CCDC191: variants seen among roughly 807,000 people sequenced by gnomAD.
The protein encoded by CCDC191 is coiled-coil domain-containing protein 191.
CCDC191 carries 99 observed loss-of-function variants against 114.0 expected under a neutral mutation model. The observed-to-expected ratio is 0.87, with a 90% CI of 0.74 to 1.03. The LOEUF is 1.03. CCDC191 is among the 50% of genes least tolerant of loss of function. CCDC191 has a pLI of 0.00. For synonymous variants in CCDC191, 351 were observed against 376.0 expected (o/e 0.93, Z 0.77); for missense variants, 973 against 1,087.0 (o/e 0.90, Z 1.47).
At chr3:114,046,008 A>C (rs2076624624) in intron 3 of CCDC191, among the ~76,000 whole-genome samples, 1 of 152,222 alleles carries the variant, frequency 6.6e-6, no homozygotes, top group African/African-American at 2.4e-5. Flanking sequence ...AATAAATGGA[A>C]TAACTGGAGA....
At chr3:114,048,952 C>T (rs886633010) in intron 2 of CCDC191, among the ~76,000 whole-genome samples, 1 of 152,202 alleles carries the variant, frequency 6.6e-6, no homozygotes, top group Admixed American at 6.5e-5. Flanking sequence ...GTCACCTGAC[C>T]TATTCTGAAA....
At chr3:113,999,617 C>G (rs1300826959) in intron 13 of CCDC191, among the ~76,000 whole-genome samples, 2 of 152,108 alleles carry the variant, frequency 1.3e-5, no homozygotes, top group Admixed American at 6.5e-5. Context: ...GAATCACAAG[C>G]AGCTGAGGTG....
At chr3:114,011,156 C>T (rs1448839594) in intron 8 of CCDC191, 135 bp from the exon 9 acceptor site, 1 of 1,007,360 alleles carries the variant, frequency 9.9e-7, no homozygotes, top group Non-Finnish European at 1.4e-6. Flanking sequence ...TTATATTAAG[C>T]TAAATGAAAT....
chr3:114,039,821 T>C (rs1317705275), intron 4 of CCDC191, among the ~76,000 whole-genome samples: 1 of 152,310 alleles, frequency 6.6e-6, no homozygotes, highest in East Asian at 1.9e-4. Context: ...AGAGTCAAAA[T>C]GTTAGAAAAA....
chr3:114,009,630 G>A (rs1465523015), intron 9 of CCDC191, among the ~76,000 whole-genome samples: 1 of 152,000 alleles, frequency 6.6e-6, no homozygotes, highest in Non-Finnish European at 1.5e-5. Flanking sequence ...ATTGCTATGT[G>A]GTGCACAAGT....
intron 10 of CCDC191, 151 bp downstream of exon 10, chr3:114,005,357 A>G (rs925499072): frequency 1.4e-6 from 1 of 692,136 alleles, no homozygotes; most frequent in South Asian, 1.9e-5. Context: ...CCTGTCATAT[A>G]CTAGTCATAA....
At chr3:114,037,950 C>T (rs1245200796) in intron 4 of CCDC191, among the ~76,000 whole-genome samples, 5 of 152,150 alleles carry the variant, frequency 3.3e-5, no homozygotes, top group African/African-American at 9.7e-5. Flanking sequence ...CATAGGCTTT[C>T]TTTTCTGTTG....
intron 3 of CCDC191, among the ~76,000 whole-genome samples, chr3:114,043,723 G>A (rs534364490): frequency 2.0e-5 from 3 of 152,290 alleles, no homozygotes; most frequent in South Asian, 4.1e-4. Context: ...GGATAAGCAC[G>A]GAGGTAGGGA....
chr3:114,002,237 A>G (rs2075868514), intron 12 of CCDC191, among the ~76,000 whole-genome samples: 2 of 152,188 alleles, frequency 1.3e-5, no homozygotes, highest in African/African-American at 4.8e-5. Flanking sequence ...ATCAACTTTC[A>G]TAACATTTTC....
intron 16 of CCDC191, among the ~76,000 whole-genome samples, chr3:113,975,531 G>A (rs532853100): frequency 1.3e-5 from 2 of 152,258 alleles, no homozygotes; most frequent in South Asian, 2.1e-4. Context: ...TGTACTGAGC[G>A]CTGTCATATA....
rs72956668 is a variant in CCDC191 at position 114,003,646 on chromosome 3, T to C, written c.1978+991A>G. The C allele has an allele frequency of 6.1e-3, 6,023 of 985,130 alleles. 178 individuals are homozygous for C. The East Asian group carries it at 0.085, about 14-fold the overall frequency. 61.0% of individuals were successfully genotyped at this position (985,130 alleles called of 1,614,324 possible). ...ATAATTTTAAAAAAATAATCATACT[T>C]AACTGGGTATTTACTGACCAAGCTT... On this transcript the variant is annotated intron_variant, in intron 11 of 16. Coordinates refer to ENST00000295878, the MANE Select transcript of CCDC191 (RefSeq NM_020817.2).
At chr3:114,020,797 A>G (rs2076232428) in intron 7 of CCDC191, among the ~76,000 whole-genome samples, 1 of 152,160 alleles carries the variant, frequency 6.6e-6, no homozygotes, top group Admixed American at 6.6e-5. Context: ...TAACTTCAGG[A>G]TTATTTCAAA....
chr3:113,965,292 T>C lies in CCDC191; in HGVS notation c.2674A>G (p.Lys892Glu). The change falls in exon 17 of 17, where the codon AAA becomes GAA. Residue 892 changes from lysine (K) to glutamate (E), a missense_variant. By Grantham distance (56) the Lys-to-Glu change is moderately conservative. Transcript: ENST00000295878. ...FVKFMKEERVKEERRQQLRRK... is the reference protein window; with the variant it reads ...FVKFMKEERVEEERRQQLRRK... ...CGAAGTTGCTGTCGCCTTTCTTCTT[T>C]TACTCTTTCCTCTTTCATAAATTTT... The C allele has an allele frequency of 6.2e-7, 1 of 1,612,580 alleles. No homozygotes were observed. The highest frequency in any genetic ancestry group is 8.5e-7 in the Non-Finnish European group (1 of 1,179,364).
At chr3:113,980,519 C>T (rs1412570481) in intron 14 of CCDC191, 131 bp downstream of exon 14, 4 of 846,416 alleles carry the variant, frequency 4.7e-6, no homozygotes, top group Non-Finnish European at 7.1e-6. Flanking sequence ...AAAACAAATA[C>T]ACACATTCAA....
chr3:113,980,290 C>G (rs76858179), intron 14 of CCDC191, among the ~76,000 whole-genome samples: 1 of 152,286 alleles, frequency 6.6e-6, no homozygotes, highest in East Asian at 1.9e-4. Context: ...CTGTAAGCCA[C>G]TGATATTTGG....
intron 13 of CCDC191, among the ~76,000 whole-genome samples, chr3:113,988,676 C>G (rs1319818254): frequency 6.8e-6 from 1 of 147,436 alleles, no homozygotes; most frequent in Non-Finnish European, 1.5e-5. Flanking sequence ...TATCAATAAT[C>G]ACTTTAAAGT....
intron 8 of CCDC191, among the ~76,000 whole-genome samples, chr3:114,011,399 A>G (rs542176231): frequency 3.0e-4 from 46 of 152,344 alleles, no homozygotes; most frequent in African/African-American, 1.0e-3. Flanking sequence ...AGGTTCAGCT[A>G]TGCACGAAAA....
intron 16 of CCDC191, among the ~76,000 whole-genome samples, chr3:113,972,106 T>C (rs556318538): frequency 6.6e-6 from 1 of 152,194 alleles, no homozygotes; most frequent in South Asian, 2.1e-4. Context: ...TTTCCTTTCT[T>C]CTAATAATTT....
intron 13 of CCDC191, among the ~76,000 whole-genome samples, chr3:113,982,983 C>G (rs549149676): frequency 1.3e-5 from 2 of 152,216 alleles, no homozygotes; most frequent in Non-Finnish European, 2.9e-5. Context: ...CGCATCTGTA[C>G]TCATGGTCTC....
Sources: allele counts gnomAD v4.1 joint callset (sites outside exome capture counted in the v4.1 genomes callset), GRCh38; gene constraint gnomAD v4.1.1; transcripts MANE v1.5; gene names NCBI Gene and HGNC (gene_info 2026-07-23, HGNC 2026-07-21).